The following ERC1 variants were observed in gnomAD, a reference collection of about 807,000 sequenced individuals.
The protein encoded by ERC1 is ELKS/RAB6-interacting/CAST family member 1.
ERC1 carries 56 observed loss-of-function variants against 132.0 expected under a neutral mutation model. That is an observed-to-expected ratio of 0.42 (90% CI 0.34 to 0.53). The LOEUF is 0.53. Ranked by LOEUF, ERC1 falls within the 20% of genes least tolerant of loss-of-function variation. ERC1 has a pLI of 0.03. For missense variants in ERC1, 1,202 were observed against 1,349.9 expected (o/e 0.89, Z 1.72); for synonymous variants, 478 against 476.1 (o/e 1.00, Z -0.05).
rs895120295 is a variant in ERC1, at chr12:1,155,886, A to T, written c.1737+14099A>T. ...GGTAAAAAAAAAATAAATAAATAAA[A>T]ATAAAAATTACCAAAACATATGGAG... On this transcript the variant is annotated intron_variant, in intron 8 of 18. Coordinates refer to ENST00000360905, the MANE Select transcript of ERC1 (RefSeq NM_178040.4). Among the ~76,000 whole-genome samples the T allele has an allele frequency of 4.6e-5, 7 of 152,012 alleles. 1 individual carries two copies. The highest frequency in any genetic ancestry group is 8.8e-5 in the Non-Finnish European group (6 of 68,012).
intron 12 of ERC1, among the ~76,000 whole-genome samples, chr12:1,229,319 T>G (rs1211773618): frequency 2.0e-5 from 3 of 152,132 alleles, no homozygotes; most frequent in Non-Finnish European, 4.4e-5. Context: ...CTGGGTAACA[T>G]AGCAAGACTG....
Position 1,491,271 on chromosome 12 carries a change from TCA to T in ERC1, c.*1043_*1044del, listed in dbSNP as rs1402059668. 4.3e-6 allele frequency: 1 copy of T among 230,974 alleles called. No individual in the cohort carries two copies. The highest frequency in any genetic ancestry group is 8.6e-6 in the Non-Finnish European group (1 of 116,646). The allele number at this position is 230,974 out of a possible 1,614,324, so 14.3% of individuals were successfully genotyped here. A position where few individuals can be genotyped will look rare whatever the true frequency, so the allele number is the denominator to read the frequency against. On this transcript the variant is annotated 3_prime_UTR_variant, in exon 19 of 19. Transcript: ENST00000360905. ...CAGTGGCTGCTGAAGTTGTGATCCCTCACTCACCCTGCTAGCTTTGCCCTTGA... is the reference window on the plus strand; with the variant it reads ...CAGTGGCTGCTGAAGTTGTGATCCCTCTCACCCTGCTAGCTTTGCCCTTGA...
intron 7 of ERC1, among the ~76,000 whole-genome samples, chr12:1,138,109 AAT>A (rs1949472540): frequency 8.5e-6 from 1 of 117,944 alleles, no homozygotes; most frequent in Non-Finnish European, 1.6e-5. Context: ...ATTATAATAT[AAT>A]TATATTTAAT....
intron 12 of ERC1, among the ~76,000 whole-genome samples, chr12:1,203,367 A>G (rs114165321): frequency 0.014 from 2,081 of 152,224 alleles, 61 homozygotes; most frequent in African/African-American, 0.047. Context: ...CGGCTGCTAC[A>G]TTCTTATTCT....
At chr12:1,274,566 T>C (rs1350003764) in intron 14 of ERC1, among the ~76,000 whole-genome samples, 1 of 151,896 alleles carries the variant, frequency 6.6e-6, no homozygotes, top group Non-Finnish European at 1.5e-5. Flanking sequence ...GGTCTTGGCT[T>C]GCTGCAACCT....
intron 16 of ERC1, among the ~76,000 whole-genome samples, chr12:1,406,801 A>T (rs2091523494): frequency 6.6e-6 from 1 of 152,146 alleles, no homozygotes; most frequent in Non-Finnish European, 1.5e-5. Context: ...TGAGCCCAGG[A>T]GTCTGAGGTT....
intron 9 of ERC1, 125 bp downstream of exon 9, chr12:1,180,802 A>T (rs1954366061): frequency 1.7e-6 from 2 of 1,173,630 alleles, no homozygotes; most frequent in East Asian, 4.7e-5. Context: ...GCTATTGCTG[A>T]CATACGTAGT....
intron 15 of ERC1, among the ~76,000 whole-genome samples, chr12:1,351,682 A>G (rs992893634): frequency 6.6e-6 from 1 of 152,010 alleles, no homozygotes; most frequent in South Asian, 2.1e-4. Context: ...TAATATTTTC[A>G]ATTTTTAATT....
intron 17 of ERC1, among the ~76,000 whole-genome samples, chr12:1,431,417 A>G (rs906467435): frequency 1.3e-5 from 2 of 152,226 alleles, no homozygotes; most frequent in African/African-American, 2.4e-5. Context: ...ATCAGTATCA[A>G]GGAATTTTTA....
At chr12:1,362,568 A>G (rs1245824406) in intron 15 of ERC1, among the ~76,000 whole-genome samples, 1 of 152,216 alleles carries the variant, frequency 6.6e-6, no homozygotes, top group East Asian at 1.9e-4. Flanking sequence ...GGAAGCATAA[A>G]AATACATTGT....
intron 2 of ERC1, among the ~76,000 whole-genome samples, chr12:1,042,615 G>A (rs1970435592): frequency 6.6e-6 from 1 of 152,006 alleles, no homozygotes; most frequent in South Asian, 2.1e-4. Flanking sequence ...TGGGATTACA[G>A]GTGTGAGCCA....
chr12:1,169,916 A>G (rs1387505691), intron 8 of ERC1, among the ~76,000 whole-genome samples: 1 of 152,170 alleles, frequency 6.6e-6, no homozygotes, highest in Non-Finnish European at 1.5e-5. Flanking sequence ...ACATGCCCCA[A>G]AGAAACCCCT....
At chr12:1,473,319 G>A (rs769357263) in intron 18 of ERC1, among the ~76,000 whole-genome samples, 1 of 152,142 alleles carries the variant, frequency 6.6e-6, no homozygotes, top group African/African-American at 2.4e-5. Context: ...GAGCCACTGC[G>A]CCCGGCCCAA....
chr12:1,180,286 C>T (rs576251227), intron 8 of ERC1, among the ~76,000 whole-genome samples: 4,158 of 125,818 alleles, frequency 0.033, 86 homozygotes, highest in Middle Eastern at 0.068. Flanking sequence ...TGTGTGTGCG[C>T]GCACGCGTGT....
At chr12:1,058,381 G>T (rs983692124) in intron 2 of ERC1, among the ~76,000 whole-genome samples, 1 of 152,112 alleles carries the variant, frequency 6.6e-6, no homozygotes, top group Non-Finnish European at 1.5e-5. Context: ...TTTGGTAAAA[G>T]GTAGGGGTCT....
intron 8 of ERC1, among the ~76,000 whole-genome samples, chr12:1,176,830 T>C (rs1953781637): frequency 6.6e-6 from 1 of 152,234 alleles, no homozygotes; most frequent in African/African-American, 2.4e-5. Context: ...AATAAAAGGC[T>C]GTTTCATCTA....
chr12:1,362,233 C>G (rs1426927804), intron 15 of ERC1, among the ~76,000 whole-genome samples: 2 of 152,188 alleles, frequency 1.3e-5, no homozygotes, highest in Non-Finnish European at 2.9e-5. Context: ...AGCACTGAAG[C>G]TGTGGTTGTG....
At chr12:1,469,977 C>T (rs2093825636) in intron 18 of ERC1, among the ~76,000 whole-genome samples, 1 of 151,486 alleles carries the variant, frequency 6.6e-6, no homozygotes, top group African/African-American at 2.4e-5. Context: ...GCCCACGGGA[C>T]CCTAGAGCTC....
At chr12:1,352,318 G>A (rs1018644959) in intron 15 of ERC1, among the ~76,000 whole-genome samples, 3 of 152,142 alleles carry the variant, frequency 2.0e-5, no homozygotes, top group Non-Finnish European at 2.9e-5. Context: ...ACCAGCAAGG[G>A]CAAAAGGGAT....
Sources: allele counts gnomAD v4.1 joint callset (sites outside exome capture counted in the v4.1 genomes callset), GRCh38; gene constraint gnomAD v4.1.1; transcripts MANE v1.5; gene names NCBI Gene and HGNC (gene_info 2026-07-23, HGNC 2026-07-21).